DOK6: variants seen among roughly 807,000 people sequenced by gnomAD.
DOK6 encodes downstream of tyrosine kinase 6.
DOK6 carries 22 observed loss-of-function variants against 44.0 expected under a neutral mutation model. That is an observed-to-expected ratio of 0.50 (90% CI 0.36 to 0.71). DOK6 has a LOEUF of 0.71. DOK6 is among the 30% of genes least tolerant of loss of function. The probability of loss-of-function intolerance (pLI) is 0.00; values close to 1 mark genes in which losing one functional copy is unlikely to be tolerated. For missense variants in DOK6, 340 were observed against 416.4 expected, an observed-to-expected ratio of 0.82 and a Z score of 1.60; for synonymous variants, 166 against 145.5, an observed-to-expected ratio of 1.14 and a Z score of -1.01.
At chr18:69,824,158 TA>T (rs1399302171) in intron 7 of DOK6, among the ~76,000 whole-genome samples, 15 of 150,812 alleles carry the variant, frequency 9.9e-5, no homozygotes, top group Admixed American at 2.6e-4. Context: ...ACTCGTCATT[TA>T]ACATTAGGTA....
intron 3 of DOK6, among the ~76,000 whole-genome samples, chr18:69,665,327 G>T (rs1985628190): frequency 6.6e-6 from 1 of 152,178 alleles, no homozygotes; most frequent in Admixed American, 6.5e-5. Flanking sequence ...AGAAACCTAT[G>T]ACCCAATGCA....
At chr18:69,568,781 A>G (rs1983047196) in intron 2 of DOK6, among the ~76,000 whole-genome samples, 1 of 151,882 alleles carries the variant, frequency 6.6e-6, no homozygotes, top group East Asian at 1.9e-4. Context: ...TTCTCATAGG[A>G]GCACAAACCC....
chr18:69,703,607 T>C (rs765151529), intron 5 of DOK6, among the ~76,000 whole-genome samples: 2 of 152,252 alleles, frequency 1.3e-5, no homozygotes, highest in Non-Finnish European at 2.9e-5. Context: ...ACTCAAGCTA[T>C]GCCTGATGCA....
At chr18:69,419,383 C>T (rs888378801) in intron 1 of DOK6, among the ~76,000 whole-genome samples, 5 of 151,908 alleles carry the variant, frequency 3.3e-5, no homozygotes, top group Non-Finnish European at 2.9e-5. Context: ...ATAAAGCATC[C>T]AAAAAGTTTA....
chr18:69,708,489 A>C (rs957746882), intron 5 of DOK6, among the ~76,000 whole-genome samples: 3 of 152,140 alleles, frequency 2.0e-5, no homozygotes, highest in African/African-American at 7.2e-5. Context: ...GGATCAAATG[A>C]AATAATGTGC....
chr18:69,795,028 T>G (rs1980704329), intron 7 of DOK6, among the ~76,000 whole-genome samples: 1 of 152,110 alleles, frequency 6.6e-6, no homozygotes, highest in Admixed American at 6.6e-5. Flanking sequence ...ATAATAGAGA[T>G]AAAGTGCAAA....
intron 1 of DOK6, among the ~76,000 whole-genome samples, chr18:69,535,529 C>T (rs1273601121): frequency 6.6e-6 from 1 of 151,618 alleles, no homozygotes; most frequent in Non-Finnish European, 1.5e-5. Flanking sequence ...AAAAAATTTT[C>T]TAGGTTAATG....
At chr18:69,707,665 G>T (rs1251592275) in intron 5 of DOK6, among the ~76,000 whole-genome samples, 1 of 152,132 alleles carries the variant, frequency 6.6e-6, no homozygotes, top group Non-Finnish European at 1.5e-5. Flanking sequence ...AACTATCCTA[G>T]GCAATTAGGA....
chr18:69,767,594 C>T, intron 7 of DOK6, among the ~76,000 whole-genome samples: 1 of 151,836 alleles, frequency 6.6e-6, no homozygotes, highest in East Asian at 1.9e-4. Context: ...CTACCACTTA[C>T]CCTCCCACCC....
At chr18:69,460,013 T>G (rs569243801) in intron 1 of DOK6, among the ~76,000 whole-genome samples, 1 of 152,226 alleles carries the variant, frequency 6.6e-6, no homozygotes, top group Non-Finnish European at 1.5e-5. Flanking sequence ...ATTAGTCGTT[T>G]TAATACTTAA....
chr18:69,656,686 GT>G (rs1394296410), intron 3 of DOK6, among the ~76,000 whole-genome samples: 1 of 152,176 alleles, frequency 6.6e-6, no homozygotes, highest in African/African-American at 2.4e-5. Context: ...TAAGTGTAAT[GT>G]TGGACACTGA....
intron 3 of DOK6, among the ~76,000 whole-genome samples, chr18:69,624,542 C>A (rs1396617950): frequency 6.6e-6 from 1 of 152,054 alleles, no homozygotes; most frequent in Non-Finnish European, 1.5e-5. Flanking sequence ...AAATCTGTCA[C>A]TTTAATCACT....
intron 7 of DOK6, among the ~76,000 whole-genome samples, chr18:69,782,160 A>G (rs1380822531): frequency 6.6e-6 from 1 of 151,824 alleles, no homozygotes; most frequent in African/African-American, 2.4e-5. Context: ...TCTGTCAGTG[A>G]CCAGAGTTTT....
At chr18:69,518,925 C>T (rs1301488039) in intron 1 of DOK6, among the ~76,000 whole-genome samples, 1 of 151,938 alleles carries the variant, frequency 6.6e-6, no homozygotes, top group Non-Finnish European at 1.5e-5. Flanking sequence ...TAAAAATTGT[C>T]AGGTACATAA....
chr18:69,770,586 G>C (rs914394144), intron 7 of DOK6, among the ~76,000 whole-genome samples: 1 of 151,956 alleles, frequency 6.6e-6, no homozygotes, highest in African/African-American at 2.4e-5. Context: ...TATACAGTTT[G>C]GTCACTGCTT....
chr18:69,828,908 T>C (rs1227288988), intron 7 of DOK6, among the ~76,000 whole-genome samples: 4 of 32,016 alleles, frequency 1.2e-4, no homozygotes, highest in African/African-American at 2.0e-4. Context: ...ATAGTATGTA[T>C]GTTAGAGAAA....
intron 1 of DOK6, among the ~76,000 whole-genome samples, chr18:69,449,300 G>C (rs558037796): frequency 2.6e-5 from 4 of 152,264 alleles, no homozygotes; most frequent in African/African-American, 7.2e-5. Flanking sequence ...AGAAACCTTT[G>C]CTTCAGCATT....
chr18:69,500,630 TGA>T (rs1325778135), intron 1 of DOK6, among the ~76,000 whole-genome samples: 1 of 152,158 alleles, frequency 6.6e-6, no homozygotes, highest in African/African-American at 2.4e-5. Flanking sequence ...AATACTTTGC[TGA>T]GAGTTCAATC....
intron 7 of DOK6, among the ~76,000 whole-genome samples, chr18:69,824,888 AG>A (rs1356850330): frequency 2.0e-5 from 3 of 152,220 alleles, no homozygotes; most frequent in South Asian, 2.1e-4. Context: ...TTTTAGTCTT[AG>A]TCTTGAAAAA....
Sources: gnomAD v4.1 joint callset for allele counts (sites outside exome capture counted in the v4.1 genomes callset) on GRCh38, gnomAD v4.1.1 for gene constraint, MANE v1.5 for transcripts, NCBI Gene and HGNC (gene_info 2026-07-23, HGNC 2026-07-21) for gene names.